The following GABRG1 variants were observed in gnomAD, a reference collection of about 807,000 sequenced individuals.
The protein encoded by GABRG1 is gamma-aminobutyric acid receptor subunit gamma-1.
In GABRG1, 49 loss-of-function variants were observed where a neutral mutation model predicts 49.8. That is an observed-to-expected ratio of 0.98 (90% CI 0.78 to 1.25). The LOEUF is 1.25. Ranked by LOEUF, GABRG1 falls within the 50% of genes most tolerant of loss-of-function variation. The probability of loss-of-function intolerance (pLI) is 0.00; values close to 1 mark genes in which losing one functional copy is unlikely to be tolerated. For synonymous variants in GABRG1, 232 were observed against 185.1 expected, an observed-to-expected ratio of 1.25 and a Z score of -2.06; for missense variants, 552 against 552.3, an observed-to-expected ratio of 1.00 and a Z score of 0.01.
chr4:46,056,720 C>T (rs1718465025), intron 7 of GABRG1, among the ~76,000 whole-genome samples: 1 of 151,994 alleles, frequency 6.6e-6, no homozygotes, highest in Non-Finnish European at 1.5e-5. Flanking sequence ...GCATTGGATA[C>T]ATTGTAGAAA....
chr4:46,117,163 A>G (rs1720922344), intron 1 of GABRG1, among the ~76,000 whole-genome samples: 1 of 150,570 alleles, frequency 6.6e-6, no homozygotes, highest in Admixed American at 6.7e-5. Context: ...TAAAATATAT[A>G]TTAAACTCAC....
intron 1 of GABRG1, among the ~76,000 whole-genome samples, chr4:46,117,158 TA>T (rs1454490784): frequency 6.6e-6 from 1 of 150,570 alleles, no homozygotes; most frequent in Non-Finnish European, 1.5e-5. Flanking sequence ...ACTATTAAAA[TA>T]TATATTAAAC....
intron 1 of GABRG1, among the ~76,000 whole-genome samples, chr4:46,097,966 T>G (rs1405714272): frequency 6.6e-6 from 1 of 151,768 alleles, no homozygotes; most frequent in Non-Finnish European, 1.5e-5. Flanking sequence ...AGGTGACTCA[T>G]CTTGCACATA....
intron 1 of GABRG1, among the ~76,000 whole-genome samples, chr4:46,113,672 T>C (rs1720788990): frequency 6.6e-6 from 1 of 151,208 alleles, no homozygotes; most frequent in African/African-American, 2.4e-5. Flanking sequence ...TTATGCTTAT[T>C]GTTTACTGTG....
chr4:46,038,401 T>C lies in GABRG1; in HGVS notation c.*2587A>G, dbSNP rs1171965135. The C allele has an allele frequency of 6.6e-6, 1 of 151,708 alleles. No individual in the cohort carries two copies. The highest frequency in any genetic ancestry group is 1.9e-4 in the East Asian group (1 of 5,190). 9.4% of individuals were successfully genotyped at this position (151,708 alleles called of 1,614,324 possible). A position where few individuals can be genotyped will look rare whatever the true frequency, so the allele number is the denominator to read the frequency against. ...TATAAACAAACATTTTTACAAATGA[T>C]CTTATTCCTTGTGCTCCAGGTATCC... On this transcript the variant is annotated 3_prime_UTR_variant, in exon 9 of 9. Coordinates refer to ENST00000295452, the MANE Select transcript of GABRG1 (RefSeq NM_173536.4).
intron 2 of GABRG1, among the ~76,000 whole-genome samples, chr4:46,094,340 T>C (rs1720100469): frequency 6.6e-6 from 1 of 151,982 alleles, no homozygotes; most frequent in Admixed American, 6.6e-5. Flanking sequence ...TCAAACATTG[T>C]CTCATCTCTA....
chr4:46,115,135 A>C (rs572174315), intron 1 of GABRG1, among the ~76,000 whole-genome samples: 1 of 150,806 alleles, frequency 6.6e-6, no homozygotes, highest in African/African-American at 2.4e-5. Context: ...AATTTATAAG[A>C]TATTATTTAA....
intron 7 of GABRG1, 63 bp from the exon 8 acceptor site, chr4:46,051,701 G>C: frequency 9.7e-7 from 1 of 1,028,928 alleles, no homozygotes; most frequent in Non-Finnish European, 1.5e-6. Context: ...TCTTCCATCT[G>C]ATTTGGCAAT....
At chr4:46,095,969 C>T (rs1020274048) in intron 2 of GABRG1, among the ~76,000 whole-genome samples, 4 of 151,792 alleles carry the variant, frequency 2.6e-5, no homozygotes, top group African/African-American at 9.7e-5. Flanking sequence ...CTCCTCTCCT[C>T]CTTCCCACTC....
At position 46,037,250 on chromosome 4, in the gene GABRG1, C is replaced by T. The variant is rs1442625390; in HGVS notation, c.*3738G>A. The T allele has an allele frequency of 3.3e-5, 5 of 151,656 alleles. No homozygotes were observed. The highest frequency in any genetic ancestry group is 1.2e-4 in the African/African-American group (5 of 41,324). 9.4% of individuals were successfully genotyped at this position (151,656 alleles called of 1,614,324 possible). ...TATTTGAATGAGGTTACCTCACTTC[C>T]GAAATGCAAACACAAAAAGTCAGAG... is the stretch of plus-strand genomic sequence containing the variant. On this transcript the variant is annotated 3_prime_UTR_variant, in exon 9 of 9. Coordinates refer to ENST00000295452, the MANE Select transcript of GABRG1 (RefSeq NM_173536.4).
chr4:46,065,593 T>C lies in GABRG1; in HGVS notation c.322-9A>G, dbSNP rs1250150061. ...ATATCTATTGTATATTCCTAAAATATAAGAAGAGTAACAACATATTAGTAA... is the reference window on the plus strand; with the variant it reads ...ATATCTATTGTATATTCCTAAAATACAAGAAGAGTAACAACATATTAGTAA... On this transcript the variant is annotated splice_polypyrimidine_tract_variant and intron_variant, in intron 3 of 8. Transcript: ENST00000295452. 8.4e-7 allele frequency: 1 copy of C among 1,193,184 alleles called. No homozygotes were observed. The highest frequency in any genetic ancestry group is 1.2e-6 in the Non-Finnish European group (1 of 814,522). The allele number at this position is 1,193,184 out of a possible 1,614,324, so 73.9% of individuals were successfully genotyped here. A position where few individuals can be genotyped will look rare whatever the true frequency, so the allele number is the denominator to read the frequency against.
intron 2 of GABRG1, among the ~76,000 whole-genome samples, chr4:46,087,079 AT>A (rs1000228142): frequency 6.6e-5 from 10 of 150,870 alleles, no homozygotes; most frequent in Non-Finnish European, 1.2e-4. Flanking sequence ...TGAGCGTATA[AT>A]TTTTTTTTCT....
chr4:46,112,726 T>C (rs1238388951), intron 1 of GABRG1, among the ~76,000 whole-genome samples: 1 of 151,070 alleles, frequency 6.6e-6, no homozygotes, highest in Non-Finnish European at 1.5e-5. Context: ...CATTTGTAAG[T>C]GTGAGCCTAA....
intron 2 of GABRG1, among the ~76,000 whole-genome samples, 162 bp downstream of exon 2, chr4:46,097,039 C>G (rs1720186913): frequency 6.6e-6 from 1 of 151,370 alleles, no homozygotes; most frequent in Non-Finnish European, 1.5e-5. Flanking sequence ...AGACTGTGAA[C>G]TCCTCAAAAC....
At chr4:46,116,051 A>G (rs1720874984) in intron 1 of GABRG1, among the ~76,000 whole-genome samples, 2 of 150,882 alleles carry the variant, frequency 1.3e-5, no homozygotes, top group Non-Finnish European at 3.0e-5. Flanking sequence ...TACTACAAAT[A>G]AAACAGTATA....
intron 2 of GABRG1, among the ~76,000 whole-genome samples, chr4:46,095,344 G>C (rs185933602): frequency 1.3e-5 from 2 of 151,790 alleles, no homozygotes; most frequent in East Asian, 3.9e-4. Context: ...TCAACTTTAT[G>C]TTCCTAAATA....
rs979144065 is a variant in GABRG1 at position 46,097,234 on chromosome 4, C to T, written c.220G>A (p.Gly74Ser). Residue 74 changes from glycine to serine, a missense_variant, in exon 2 of 9, where the codon GGC becomes AGC. Coordinates refer to ENST00000295452, the MANE Select transcript of GABRG1 (RefSeq NM_173536.4). ...ITQILNSLLQGYDNKLRPDIG... is the reference protein window; with the variant it reads ...ITQILNSLLQSYDNKLRPDIG... ...TCTGGACGAAGTTTATTGTCATAGC[C>T]TTGAAGCAATGAATTCAGAATTTGT... 2.5e-6 allele frequency: 4 copies of T among 1,610,080 alleles called. No homozygotes were observed. Among genetic ancestry groups the T allele is most frequent in the Non-Finnish European group, 3.4e-6 (4 of 1,177,682 alleles).
In GABRG1 at chr4:46,052,029, A is replaced by G. The variant is rs146291197; in HGVS notation, c.917-391T>C. Among the ~76,000 whole-genome samples the G allele has an allele frequency of 2.7e-3, 409 of 151,962 alleles. 1 individual carries two copies. Among genetic ancestry groups the G allele is most frequent in the African/African-American group, 9.0e-3 (374 of 41,512 alleles). On this transcript the variant is annotated intron_variant, in intron 7 of 8. Coordinates refer to ENST00000295452, the MANE Select transcript of GABRG1 (RefSeq NM_173536.4). ...AAGTCAAGAATGTAGGCAACATACA[A>G]TATCCTAAAGACAGCATTAAAGAGA...
Position 46,039,330 on chromosome 4 carries a change from A to C in GABRG1, c.*1658T>G, listed in dbSNP as rs1386539199. ...CCAGAAGTTTATGAGCAAGTGAAAA[A>C]AAAAATAGAGTTAGCTGGGAACACA... On this transcript the variant is annotated 3_prime_UTR_variant, in exon 9 of 9. Transcript: ENST00000295452. The C allele has an allele frequency of 6.6e-6, 1 of 151,716 alleles. No homozygotes were observed. The highest frequency in any genetic ancestry group is 6.6e-5 in the Admixed American group (1 of 15,156). 9.4% of individuals were successfully genotyped at this position (151,716 alleles called of 1,614,324 possible). A position where few individuals can be genotyped will look rare whatever the true frequency, so the allele number is the denominator to read the frequency against.
Sources: gnomAD v4.1 joint callset for allele counts (sites outside exome capture counted in the v4.1 genomes callset) on GRCh38, gnomAD v4.1.1 for gene constraint, MANE v1.5 for transcripts, NCBI Gene and HGNC (gene_info 2026-07-23, HGNC 2026-07-21) for gene names.